The following GRID1 variants were observed in gnomAD, a reference collection of about 807,000 sequenced individuals.
The protein encoded by GRID1 is glutamate ionotropic receptor delta type subunit 1, also known as glutamate receptor ionotropic, delta-1.
In GRID1, 28 loss-of-function variants were observed where a neutral mutation model predicts 98.0. That is an observed-to-expected ratio of 0.29 (90% confidence interval 0.21 to 0.39). GRID1 has a LOEUF of 0.39. Among genes scored for constraint, GRID1 ranks in the 10% least tolerant of loss-of-function variants. The pLI is 1.00. For missense variants in GRID1, 1,111 were observed against 1,340.5 expected, an observed-to-expected ratio of 0.83 and a Z score of 2.67; for synonymous variants, 553 against 538.5, an observed-to-expected ratio of 1.03 and a Z score of -0.37.
intron 5 of GRID1, among the ~76,000 whole-genome samples, chr10:85,898,005 T>C: frequency 6.6e-6 from 1 of 152,142 alleles, no homozygotes; most frequent in East Asian, 1.9e-4. Context: ...GAGAAATGTG[T>C]TGTTAGATGA....
intron 5 of GRID1, among the ~76,000 whole-genome samples, chr10:85,885,073 C>T (rs1433181763): frequency 6.6e-6 from 1 of 152,162 alleles, no homozygotes; most frequent in East Asian, 1.9e-4. Flanking sequence ...TAAAAAGAAT[C>T]GCTGTCTCTA....
chr10:85,945,144 T>C (rs1206233711), intron 4 of GRID1, among the ~76,000 whole-genome samples: 1 of 152,160 alleles, frequency 6.6e-6, no homozygotes, highest in Non-Finnish European at 1.5e-5. Context: ...TGTGTATACT[T>C]AGGTATTTAA....
At chr10:85,721,501 T>C (rs2132648756) in intron 12 of GRID1, among the ~76,000 whole-genome samples, 1 of 152,344 alleles carries the variant, frequency 6.6e-6, no homozygotes, top group East Asian at 1.9e-4. Context: ...ATATTACTCA[T>C]ATGTGGTATA....
intron 8 of GRID1, among the ~76,000 whole-genome samples, chr10:85,760,553 A>G (rs1842137907): frequency 6.6e-6 from 1 of 152,230 alleles, no homozygotes; most frequent in African/African-American, 2.4e-5. Flanking sequence ...AACAGAAGTC[A>G]CAAAGAGCCC....
rs1841724707 is a variant in GRID1 at position 85,922,909 on chromosome 10, A to C, written c.727-6670T>G. Among the ~76,000 whole-genome samples the C allele has an allele frequency of 3.3e-5, 5 of 152,146 alleles. No homozygotes were observed. The South Asian group carries it at 1.0e-3, about 32-fold the overall frequency. ...GTCTCCTGGGGGCCTGCCTGCTTGG[A>C]AAAACGTCCCAAGATGCTGACTCAG... On this transcript the variant is annotated intron_variant, in intron 4 of 15. Transcript: ENST00000327946.
chr10:85,925,778 C>G (rs559192548), intron 4 of GRID1, among the ~76,000 whole-genome samples: 1 of 152,316 alleles, frequency 6.6e-6, no homozygotes, highest in East Asian at 1.9e-4. Context: ...GCGGGTACAT[C>G]CGCTGGGAGA....
At chr10:86,355,480 GGGC>G (rs1848521891) in intron 2 of GRID1, among the ~76,000 whole-genome samples, 1 of 152,232 alleles carries the variant, frequency 6.6e-6, no homozygotes, top group South Asian at 2.1e-4. Flanking sequence ...GGAGGAGAAG[GGGC>G]AGCCTGGGCT....
intron 2 of GRID1, among the ~76,000 whole-genome samples, chr10:86,312,145 TG>T (rs535774787): frequency 6.0e-4 from 92 of 152,344 alleles, no homozygotes; most frequent in Non-Finnish European, 1.0e-3. Flanking sequence ...AAGTTAAATG[TG>T]GGTGAAAACA....
At chr10:85,621,902 CT>C (rs1318365934) in intron 13 of GRID1, among the ~76,000 whole-genome samples, 3 of 152,180 alleles carry the variant, frequency 2.0e-5, no homozygotes, top group Admixed American at 6.5e-5. Flanking sequence ...TTTAGTCAGA[CT>C]TTGGAGCATT....
chr10:86,032,248 G>C (rs1045348052), intron 4 of GRID1, among the ~76,000 whole-genome samples: 119 of 152,152 alleles, frequency 7.8e-4, no homozygotes, highest in Non-Finnish European at 1.5e-3. Context: ...TCCTGGAGGT[G>C]GGGGGCGCCT....
chr10:86,333,538 C>A (rs1848179124), intron 2 of GRID1, among the ~76,000 whole-genome samples: 1 of 152,196 alleles, frequency 6.6e-6, no homozygotes, highest in Non-Finnish European at 1.5e-5. Flanking sequence ...GACACTTGAA[C>A]AATGAGAGGT....
chr10:85,705,809 A>T (rs1355799615), intron 12 of GRID1, among the ~76,000 whole-genome samples: 1 of 152,236 alleles, frequency 6.6e-6, no homozygotes, highest in Non-Finnish European at 1.5e-5. Context: ...GGTTAAACAT[A>T]TGCAAATAAA....
rs140250108 is a variant in GRID1, at chr10:86,159,933, C to T, written c.521-20909G>A. Among the ~76,000 whole-genome samples the T allele has an allele frequency of 9.6e-3, 1,456 of 152,236 alleles. 35 individuals are homozygous for T. The highest frequency in any genetic ancestry group is 0.02 in the Middle Eastern group (6 of 294). On this transcript the variant is annotated intron_variant, in intron 3 of 15. Coordinates refer to ENST00000327946, the MANE Select transcript of GRID1 (RefSeq NM_017551.3). ...AAGAGCTGAACTAGCTCTATCACCA[C>T]GACCATCATTATCATCACCTTCACC... is the stretch of plus-strand genomic sequence containing the variant.
chr10:86,086,723 T>G (rs1414511180), intron 4 of GRID1, among the ~76,000 whole-genome samples: 1 of 152,178 alleles, frequency 6.6e-6, no homozygotes, highest in African/African-American at 2.4e-5. Context: ...TGTGCAAGTG[T>G]CTGTGTGTGT....
chr10:85,917,177 G>C (rs555862941), intron 4 of GRID1, among the ~76,000 whole-genome samples: 4 of 152,288 alleles, frequency 2.6e-5, no homozygotes, highest in African/African-American at 9.6e-5. Flanking sequence ...CATCCCGTGA[G>C]CAGGTGCCAA....
intron 8 of GRID1, among the ~76,000 whole-genome samples, chr10:85,829,670 A>G (rs1842850575): frequency 1.3e-5 from 2 of 152,196 alleles, no homozygotes; most frequent in Admixed American, 6.5e-5. Context: ...CCAAGTGGAG[A>G]GCCAAATTAA....
chr10:86,310,310 A>G (rs1481901735), intron 2 of GRID1, among the ~76,000 whole-genome samples: 1 of 151,396 alleles, frequency 6.6e-6, no homozygotes, highest in Admixed American at 6.6e-5. Context: ...TTCTCAATGG[A>G]CTGTACCTCA....
chr10:86,118,814 C>T (rs980978756), intron 4 of GRID1, among the ~76,000 whole-genome samples: 5 of 152,144 alleles, frequency 3.3e-5, no homozygotes, highest in African/African-American at 1.2e-4. Context: ...AAACCCATAA[C>T]CCAAATCTAA....
chr10:86,275,174 A>G (rs1197856062), intron 2 of GRID1, among the ~76,000 whole-genome samples: 3 of 152,240 alleles, frequency 2.0e-5, no homozygotes, highest in African/African-American at 7.2e-5. Flanking sequence ...TTAGCCAAAC[A>G]CAGGCTAAAG....
Sources: allele counts gnomAD v4.1 joint callset (sites outside exome capture counted in the v4.1 genomes callset), GRCh38; gene constraint gnomAD v4.1.1; transcripts MANE v1.5; gene names NCBI Gene and HGNC (gene_info 2026-07-23, HGNC 2026-07-21).